The following C4orf50 variants were observed in gnomAD, a reference collection of about 807,000 sequenced individuals.
C4orf50 encodes the protein uncharacterized protein C4orf50.
Under a neutral mutation model 77.2 loss-of-function variants are expected in C4orf50, and 80 were observed. The observed-to-expected ratio is 1.04, with a 90% CI of 0.87 to 1.25. The LOEUF (loss-of-function observed/expected upper bound fraction) is 1.25, where lower values mean the gene tolerates loss of function less well. C4orf50 is among the 50% of genes most tolerant of loss of function. The pLI is 0.00. For missense variants in C4orf50, 1,257 were observed against 1,152.9 expected (o/e 1.09, Z -1.31); for synonymous variants, 532 against 465.3 (o/e 1.14, Z -1.84).
At chr4:5,982,088 C>G (rs1720622947) in intron 28 of C4orf50, among the ~76,000 whole-genome samples, 2 of 152,062 alleles carry the variant, frequency 1.3e-5, no homozygotes, top group South Asian at 4.2e-4. Flanking sequence ...CGACATGGGC[C>G]TGAGATGCAC....
At chr4:5,924,930 T>C (rs1577893944) in intron 7 of C4orf50, among the ~76,000 whole-genome samples, 1 of 151,148 alleles carries the variant, frequency 6.6e-6, no homozygotes, top group African/African-American at 2.4e-5. Context: ...GGTGGAACCC[T>C]GGGAAGGAGC....
chr4:5,991,957 T>G (rs1024888832), intron 27 of C4orf50, among the ~76,000 whole-genome samples: 7 of 152,166 alleles, frequency 4.6e-5, no homozygotes, highest in Non-Finnish European at 2.9e-5. Flanking sequence ...CAAGGCACTG[T>G]CCCAGCTGCC....
chr4:5,993,583 G>C (rs926664160), intron 26 of C4orf50, among the ~76,000 whole-genome samples: 1 of 152,200 alleles, frequency 6.6e-6, no homozygotes, highest in Non-Finnish European at 1.5e-5. Context: ...CTGGGAGTCT[G>C]AGGTGGGCGG....
chr4:6,016,463 C>A lies in C4orf50; in HGVS notation c.287+1682G>T, dbSNP rs113982620. Among the ~76,000 whole-genome samples the A allele has an allele frequency of 2.6e-5, 4 of 152,268 alleles. No homozygotes were observed. The South Asian group carries it at 6.2e-4, about 24-fold the overall frequency. On this transcript the variant is annotated intron_variant, in intron 23 of 33. Transcript: ENST00000531445. Reference sequence around the variant, plus strand: ...ACTCGGGAGGCTGAGGCAGGAGAATCGCTTAAACCCAGGAGGTGGGGTTTG... The same window carrying A: ...ACTCGGGAGGCTGAGGCAGGAGAATAGCTTAAACCCAGGAGGTGGGGTTTG...
chr4:5,979,368 T>G (rs190983813), intron 29 of C4orf50, among the ~76,000 whole-genome samples: 20 of 152,340 alleles, frequency 1.3e-4, no homozygotes, highest in African/African-American at 4.3e-4. Context: ...TTTAAAGGAA[T>G]GAGTTCACTT....
rs1722498275 is a variant in C4orf50 at position 6,011,654 on chromosome 4, C to A, written c.426+176G>T. On this transcript the variant is annotated intron_variant, in intron 24 of 33. Transcript: ENST00000531445. This position sits in a 1 kb window ranked among gnomAD's most constrained non-coding sequence, Gnocchi z 4.2. Reference sequence around the variant, plus strand: ...TACAGCCCCCACCCCCACATCCCTGCATGCCCCAGGCCCCGCAGTCACGCC... The same window carrying A: ...TACAGCCCCCACCCCCACATCCCTGAATGCCCCAGGCCCCGCAGTCACGCC... Among the ~76,000 whole-genome samples the A allele has an allele frequency of 6.6e-6, 1 of 152,194 alleles. No homozygotes were observed. The highest frequency in any genetic ancestry group is 1.5e-5 in the Non-Finnish European group (1 of 68,038).
intron 29 of C4orf50, among the ~76,000 whole-genome samples, chr4:5,976,987 G>C (rs1353004726): frequency 6.6e-6 from 1 of 152,194 alleles, no homozygotes; most frequent in Non-Finnish European, 1.5e-5. Context: ...CTTCCACTTT[G>C]GGTCTCTTCT....
intron 7 of C4orf50, among the ~76,000 whole-genome samples, chr4:5,936,536 TGG>T (rs1450847841): frequency 8.7e-6 from 1 of 115,222 alleles, no homozygotes; most frequent in Admixed American, 1.3e-4. Flanking sequence ...CACTCCAGCC[TGG>T]GCAACAATGG....
chr4:5,913,404 G>C (rs1308230770), intron 7 of C4orf50, among the ~76,000 whole-genome samples: 1 of 149,744 alleles, frequency 6.7e-6, no homozygotes, highest in African/African-American at 2.5e-5. Flanking sequence ...TTTTGAGTGA[G>C]GGTAGTGAGG....
chr4:5,901,030 G>A lies in C4orf50; in HGVS notation c.*2475-2842C>T, dbSNP rs1385589010. ...CACACTACCTCAGCGTGTCCCCACTGCCGCCACACCTCCGACATACCTATT... is the reference window on the plus strand; with the variant it reads ...CACACTACCTCAGCGTGTCCCCACTACCGCCACACCTCCGACATACCTATT... On this transcript the variant is annotated intron_variant, in intron 7 of 7. Coordinates refer to the C4orf50 transcript ENST00000324058. This position sits in a 1 kb window ranked among gnomAD's most constrained non-coding sequence, Gnocchi z 4.4. 1 of 152,204 alleles carries A rather than the reference G, an allele frequency of 6.6e-6. No homozygotes were observed. Among genetic ancestry groups the A allele is most frequent in the African/African-American group, 2.4e-5 (1 of 41,446 alleles). The allele number at this position is 152,204 out of a possible 1,614,324, so 9.4% of individuals were successfully genotyped here.
chr4:5,936,550 A>T (rs4688951), intron 7 of C4orf50, among the ~76,000 whole-genome samples: 1 of 137,696 alleles, frequency 7.3e-6, no homozygotes, highest in Non-Finnish European at 1.5e-5. Context: ...CAACAATGGC[A>T]AGACGCCATC....
At chr4:5,981,971 AGAG>A (rs1577962874) in intron 28 of C4orf50, among the ~76,000 whole-genome samples, 2 of 152,272 alleles carry the variant, frequency 1.3e-5, no homozygotes, top group South Asian at 2.1e-4. Context: ...ACGAGGGAGA[AGAG>A]GAGGAGAAGG....
At chr4:5,972,983 T>C (rs530594057) in intron 31 of C4orf50, among the ~76,000 whole-genome samples, 135 of 152,352 alleles carry the variant, frequency 8.9e-4, no homozygotes, top group African/African-American at 3.2e-3. Flanking sequence ...TGTTGACCAC[T>C]GGGAGAGGAG....
At chr4:5,941,749 G>A (rs183696017) in intron 7 of C4orf50, among the ~76,000 whole-genome samples, 5 of 152,082 alleles carry the variant, frequency 3.3e-5, no homozygotes, top group African/African-American at 7.3e-5. Context: ...GTACGGAGGA[G>A]GCTGAGGGGA....
At chr4:5,928,998 CTCA>C (rs777980127) in intron 7 of C4orf50, among the ~76,000 whole-genome samples, 1 of 152,192 alleles carries the variant, frequency 6.6e-6, no homozygotes, top group Non-Finnish European at 1.5e-5. Flanking sequence ...CATTGTCCCA[CTCA>C]TCATTGCATA....
rs562566599 is a variant in C4orf50 at position 5,901,394 on chromosome 4, C to T, written c.*2475-3206G>A. 9.9e-5 allele frequency: 15 copies of T among 152,250 alleles called. No individual in the cohort carries two copies. The highest frequency in any genetic ancestry group is 3.4e-4 in the African/African-American group (14 of 41,542). 9.4% of individuals were successfully genotyped at this position (152,250 alleles called of 1,614,324 possible). On this transcript the variant is annotated intron_variant, in intron 7 of 7. Coordinates refer to the C4orf50 transcript ENST00000324058. This position sits in a 1 kb window ranked among gnomAD's most constrained non-coding sequence, Gnocchi z 4.4. ...TATCTCCATTTGCCCAGCAAGTAAACTGGGGAGGGGAGGCCACTTTCCCTA... is the reference window on the plus strand; with the variant it reads ...TATCTCCATTTGCCCAGCAAGTAAATTGGGGAGGGGAGGCCACTTTCCCTA...
intron 33 of C4orf50, among the ~76,000 whole-genome samples, chr4:5,961,147 T>C (rs1476820889): frequency 2.0e-5 from 3 of 152,168 alleles, no homozygotes; most frequent in African/African-American, 7.2e-5. Flanking sequence ...AATGAATGTC[T>C]CTACTAAAAA....
At chr4:5,975,911 C>G in exon 30 of C4orf50, 1 of 1,613,246 alleles carries the variant, frequency 6.2e-7, no homozygotes, top group Non-Finnish European at 8.5e-7. Context: ...TCAGGGGAGT[C>G]ACTGCCAACT....
At chr4:6,004,201 T>G (rs1722067629) in intron 25 of C4orf50, among the ~76,000 whole-genome samples, 1 of 108,824 alleles carries the variant, frequency 9.2e-6, no homozygotes. Flanking sequence ...ATGATGGTGA[T>G]GGTGATGATG....
Sources: gnomAD v4.1 joint callset for allele counts (sites outside exome capture counted in the v4.1 genomes callset) on GRCh38, gnomAD v4.1.1 for gene constraint, Gnocchi (gnomAD v3.1) non-coding constraint, MANE v1.5 for transcripts, NCBI Gene and HGNC (gene_info 2026-07-23, HGNC 2026-07-21) for gene names.